CCDC171: variants seen among roughly 807,000 people sequenced by gnomAD.
The protein encoded by CCDC171 is coiled-coil domain containing 171.
Under a neutral mutation model 168.2 loss-of-function variants are expected in CCDC171, and 177 were observed. That is an observed-to-expected ratio of 1.05 (90% confidence interval 0.93 to 1.19). The LOEUF is 1.19. Among genes scored for constraint, CCDC171 ranks in the 50% most tolerant of loss-of-function variants. CCDC171 has a pLI of 0.00. For missense variants in CCDC171, 1,991 were observed against 1,539.0 expected (o/e 1.29, Z -4.91); for synonymous variants, 687 against 540.8 (o/e 1.27, Z -3.75).
At chr9:15,916,216 T>C (rs1208047677) in intron 24 of CCDC171, among the ~76,000 whole-genome samples, 5 of 151,962 alleles carry the variant, frequency 3.3e-5, no homozygotes, top group Admixed American at 2.0e-4. Flanking sequence ...ATTTTCCTAT[T>C]TGATATCATT....
chr9:15,932,696 G>C (rs1372294938), intron 25 of CCDC171, among the ~76,000 whole-genome samples: 1 of 151,792 alleles, frequency 6.6e-6, no homozygotes, highest in African/African-American at 2.4e-5. Flanking sequence ...CCTGATTTTA[G>C]GGGAAAAACG....
At chr9:16,064,644 C>A (rs1332604286), downstream of CCDC171, among the ~76,000 whole-genome samples, 1 of 152,154 alleles carries the variant, frequency 6.6e-6, no homozygotes, top group Admixed American at 6.5e-5. Flanking sequence ...CATGAAGAGG[C>A]ATGGCAACTG....
At chr9:15,892,214 C>T (rs142624527) in intron 24 of CCDC171, among the ~76,000 whole-genome samples, 3,465 of 152,130 alleles carry the variant, frequency 0.023, 137 homozygotes, top group African/African-American at 0.079. Flanking sequence ...GCCTGATTGC[C>T]TTAGCCAGAA....
chr9:15,605,190 C>T (rs2043131777), intron 6 of CCDC171, among the ~76,000 whole-genome samples: 1 of 152,072 alleles, frequency 6.6e-6, no homozygotes. Context: ...AGCCACCACA[C>T]CTGGCTTATA....
intron 3 of CCDC171, among the ~76,000 whole-genome samples, chr9:16,012,194 C>T (rs1832887625): frequency 6.6e-6 from 1 of 152,150 alleles, no homozygotes; most frequent in Non-Finnish European, 1.5e-5. Context: ...TCATGTGTGG[C>T]TCCTCCTGTC....
chr9:15,643,347 C>G (rs978637928), intron 7 of CCDC171, among the ~76,000 whole-genome samples: 4 of 152,124 alleles, frequency 2.6e-5, no homozygotes, highest in Non-Finnish European at 4.4e-5. Flanking sequence ...TTGGGCCCAT[C>G]TGGGATAATG....
chr9:16,076,969 C>T, the CCDC171 span, among the ~76,000 whole-genome samples: 80 of 152,338 alleles, frequency 5.3e-4, no homozygotes, highest in South Asian at 4.8e-3. Context: ...TTTGGATAAT[C>T]GTCTTCTAAA....
Position 15,724,924 on chromosome 9 carries a change from A to C in CCDC171, c.1640A>C (p.Gln547Pro). 6.2e-7 allele frequency: 1 copy of C among 1,614,010 alleles called. No homozygotes were observed. Residue 547 changes from glutamine (Q) to proline (P), a missense_variant, in exon 14 of 26, where the codon CAG (glutamine) becomes CCG (proline). By Grantham distance (76) the Gln-to-Pro change is moderately conservative (BLOSUM62 -1). Coordinates refer to ENST00000380701, the MANE Select transcript of CCDC171 (RefSeq NM_173550.4). ...GAGAAAGAAAAGGCTCAGGCAGCCCAGTCTGAAAGTGAACTGCAGAAGCTT... is the reference window on the plus strand; with the variant it reads ...GAGAAAGAAAAGGCTCAGGCAGCCCCGTCTGAAAGTGAACTGCAGAAGCTT... ...CWEKEKAQAA[Q>P]SESELQKLSQ...
At chr9:15,776,369 A>T (rs1290761730) in intron 18 of CCDC171, 2 of 152,084 alleles carry the variant, frequency 1.3e-5, no homozygotes, top group African/African-American at 4.8e-5. Flanking sequence ...TTTCCATGGG[A>T]CTGTCACAGA....
At chr9:15,598,615 T>A (rs2042572810) in intron 6 of CCDC171, among the ~76,000 whole-genome samples, 1 of 152,160 alleles carries the variant, frequency 6.6e-6, no homozygotes, top group Non-Finnish European at 1.5e-5. Context: ...CTGAAAAGAA[T>A]TTGTATTCTG....
chr9:15,608,549 C>T (rs2043391216), intron 6 of CCDC171, among the ~76,000 whole-genome samples: 1 of 152,062 alleles, frequency 6.6e-6, no homozygotes, highest in Non-Finnish European at 1.5e-5. Context: ...ACTTCCTTGA[C>T]ATTGACCATG....
chr9:15,612,942 A>G (rs567825520), intron 6 of CCDC171, among the ~76,000 whole-genome samples: 19 of 152,310 alleles, frequency 1.2e-4, no homozygotes, highest in African/African-American at 3.8e-4. Flanking sequence ...TAGATACTCA[A>G]CTGATGTAGT....
chr9:15,901,756 G>C (rs963848424), intron 24 of CCDC171, among the ~76,000 whole-genome samples: 6 of 152,116 alleles, frequency 3.9e-5, no homozygotes. Flanking sequence ...AGGAAGAGTG[G>C]AAGGCTTTTG....
At chr9:15,810,755 G>C (rs1031910588) in intron 21 of CCDC171, among the ~76,000 whole-genome samples, 2 of 152,174 alleles carry the variant, frequency 1.3e-5, no homozygotes, top group African/African-American at 2.4e-5. Context: ...TGAGTGCTGC[G>C]CGCAGCCCTG....
At chr9:15,968,708 T>A (rs1322403154) in intron 25 of CCDC171, among the ~76,000 whole-genome samples, 1 of 151,898 alleles carries the variant, frequency 6.6e-6, no homozygotes, top group Non-Finnish European at 1.5e-5. Flanking sequence ...CCAACTGATT[T>A]TTATATTTTT....
intron 24 of CCDC171, among the ~76,000 whole-genome samples, chr9:15,894,953 A>G (rs1820712748): frequency 6.6e-6 from 1 of 152,150 alleles, no homozygotes; most frequent in Non-Finnish European, 1.5e-5. Context: ...ATGGGTGCTC[A>G]ATAATATTTG....
intron 3 of CCDC171, among the ~76,000 whole-genome samples, chr9:16,004,587 A>G (rs995564335): frequency 2.1e-4 from 32 of 152,136 alleles, no homozygotes; most frequent in African/African-American, 5.6e-4. Context: ...TGGCCTGCAC[A>G]TCGTATGACT....
chr9:16,059,505 CTTTTTTTTTT>C (rs869212886), intron 1 of CCDC171, among the ~76,000 whole-genome samples: 19 of 101,434 alleles, frequency 1.9e-4, no homozygotes, highest in African/African-American at 7.7e-4. Flanking sequence ...TTTTTTTTTT[CTTTTTTTTTT>C]TTTTTTTTTT....
intron 6 of CCDC171, among the ~76,000 whole-genome samples, chr9:15,601,091 G>A (rs967529687): frequency 6.6e-6 from 1 of 152,188 alleles, no homozygotes; most frequent in East Asian, 1.9e-4. Flanking sequence ...CCTGGGGGAG[G>A]CGATGCCTCG....
Sources: allele counts gnomAD v4.1 joint callset (sites outside exome capture counted in the v4.1 genomes callset), GRCh38; gene constraint gnomAD v4.1.1; transcripts MANE v1.5; gene names NCBI Gene and HGNC (gene_info 2026-07-23, HGNC 2026-07-21).